NRCAM: variants seen among roughly 807,000 people sequenced by gnomAD.
NRCAM encodes neuronal cell adhesion molecule, also known as NgCAM-related cell adhesion molecule.
Under a neutral mutation model 156.5 loss-of-function variants are expected in NRCAM, and 83 were observed. The observed-to-expected ratio is 0.53, with a 90% CI of 0.44 to 0.64. The LOEUF (loss-of-function observed/expected upper bound fraction) is 0.64. NRCAM is among the 30% of genes least tolerant of loss of function. NRCAM has a pLI of 0.00. For synonymous variants in NRCAM, 538 were observed against 563.9 expected, an observed-to-expected ratio of 0.95 and a Z score of 0.65; for missense variants, 1,417 against 1,597.3, an observed-to-expected ratio of 0.89 and a Z score of 1.92.
intron 2 of NRCAM, among the ~76,000 whole-genome samples, chr7:108,373,107 T>C (rs1436126978): frequency 1.3e-5 from 2 of 152,260 alleles, no homozygotes; most frequent in East Asian, 3.9e-4. Context: ...GGAAGATAAA[T>C]ACTGCATGGT....
At chr7:108,434,953 T>C (rs947597974) in intron 1 of NRCAM, among the ~76,000 whole-genome samples, 1 of 151,180 alleles carries the variant, frequency 6.6e-6, no homozygotes, top group Non-Finnish European at 1.5e-5. Flanking sequence ...CCACTACATA[T>C]CTAAAATGTC....
chr7:108,191,336 T>C lies in NRCAM; in HGVS notation c.1904-53A>G, dbSNP rs534168861. On this transcript the variant is annotated intron_variant, in intron 18 of 32. Coordinates refer to ENST00000379028, the MANE Select transcript of NRCAM (RefSeq NM_001037132.4). The stretch of plus-strand genomic sequence containing the variant: ...TTAATCAAAATTAGTAATGGAAAGA[T>C]ACAAGATAGCACAAGATGACAAAGA... 6.4e-4 allele frequency: 846 copies of C among 1,329,908 alleles called. 2 individuals are homozygous for C. The highest frequency in any genetic ancestry group is 1.3e-3 in the Middle Eastern group (7 of 5,286). The allele number at this position is 1,329,908 out of a possible 1,614,324, so 82.4% of individuals were successfully genotyped here. A position where few individuals can be genotyped will look rare whatever the true frequency, so the allele number is the denominator to read the frequency against.
chr7:108,172,819 A>G (rs1011817156), intron 28 of NRCAM, among the ~76,000 whole-genome samples: 3 of 152,290 alleles, frequency 2.0e-5, no homozygotes, highest in Non-Finnish European at 2.9e-5. Flanking sequence ...ATCCTTTTGT[A>G]ATTATACATT....
At chr7:108,248,305 C>T (rs1180247728) in intron 3 of NRCAM, among the ~76,000 whole-genome samples, 1 of 152,084 alleles carries the variant, frequency 6.6e-6, no homozygotes, top group African/African-American at 2.4e-5. Context: ...AGGCTAGTCA[C>T]TTTGAAAAAT....
chr7:108,297,925 G>A (rs2154139171), intron 3 of NRCAM, among the ~76,000 whole-genome samples: 1 of 152,236 alleles, frequency 6.6e-6, no homozygotes, highest in South Asian at 2.1e-4. Flanking sequence ...ATATGTGCAG[G>A]AAGAGTGTTC....
At chr7:108,259,223 A>G (rs1236380928) in intron 3 of NRCAM, among the ~76,000 whole-genome samples, 1 of 152,226 alleles carries the variant, frequency 6.6e-6, no homozygotes, top group Non-Finnish European at 1.5e-5. Flanking sequence ...ATGAGTGTTG[A>G]TTCTTTTACT....
chr7:108,389,809 AT>A (rs1307307840), intron 2 of NRCAM, among the ~76,000 whole-genome samples: 1 of 152,120 alleles, frequency 6.6e-6, no homozygotes, highest in African/African-American at 2.4e-5. Flanking sequence ...ATCTATTGAG[AT>A]AGTCATGTGG....
chr7:108,294,047 G>A (rs1447580755), intron 3 of NRCAM, among the ~76,000 whole-genome samples: 1 of 152,070 alleles, frequency 6.6e-6, no homozygotes, highest in East Asian at 1.9e-4. Flanking sequence ...AGGTACTGGT[G>A]AGCAATAAGA....
At chr7:108,177,843 G>T (rs2061526621) in intron 26 of NRCAM, 147 bp downstream of exon 26, 1 of 551,800 alleles carries the variant, frequency 1.8e-6, no homozygotes. Context: ...TATTTGAGAA[G>T]ATGAATATGC....
chr7:108,438,662 C>T (rs978224277), intron 1 of NRCAM, among the ~76,000 whole-genome samples: 2 of 152,060 alleles, frequency 1.3e-5, no homozygotes, highest in Admixed American at 6.6e-5. Context: ...CAATAAGGAA[C>T]ATAAAAATCA....
At position 108,149,482 on chromosome 7, in the gene NRCAM, T is replaced by C. The variant is rs449077; in HGVS notation, c.*428A>G. ...AGTTCTAGAGAATACTACAGTAACA[T>C]TCTTGACAATGAAAACGGAATTCAT... is the stretch of plus-strand genomic sequence containing the variant. On this transcript the variant is annotated 3_prime_UTR_variant, in exon 33 of 33. Transcript: ENST00000379028. 0.93 allele frequency: 158,977 copies of C among 170,808 alleles called. 74,031 individuals are homozygous for C. The highest frequency in any genetic ancestry group is 1 in the East Asian group (5,898 of 5,902). The allele number at this position is 170,808 out of a possible 1,614,324, so 10.6% of individuals were successfully genotyped here.
At chr7:108,416,594 A>C (rs1801897589) in intron 1 of NRCAM, among the ~76,000 whole-genome samples, 3 of 152,356 alleles carry the variant, frequency 2.0e-5, no homozygotes, top group South Asian at 4.1e-4. Flanking sequence ...ATTAAAAAAA[A>C]AAAGTCTTCC....
chr7:108,434,935 C>T (rs1260013431), intron 1 of NRCAM, among the ~76,000 whole-genome samples: 1 of 151,678 alleles, frequency 6.6e-6, no homozygotes, highest in East Asian at 1.9e-4. Flanking sequence ...AAGCAGAAAC[C>T]ACAGTTACCA....
chr7:108,261,781 C>A (rs575837722), intron 3 of NRCAM, among the ~76,000 whole-genome samples: 1 of 152,208 alleles, frequency 6.6e-6, no homozygotes, highest in South Asian at 2.1e-4. Context: ...TTGCTTCCTG[C>A]CCTAGCCATC....
chr7:108,244,382 T>C (rs2095763128), intron 3 of NRCAM, among the ~76,000 whole-genome samples: 1 of 152,288 alleles, frequency 6.6e-6, no homozygotes, highest in East Asian at 1.9e-4. Context: ...TAGGACATCA[T>C]CTTGACTGTG....
At chr7:108,155,133 CACACACACACAT>C (rs1156409897) in intron 32 of NRCAM, among the ~76,000 whole-genome samples, 2,011 of 142,896 alleles carry the variant, frequency 0.014, 59 homozygotes, top group African/African-American at 0.049. Context: ...CACACACACA[CACACACACACAT>C]ATAGCAGACC....
At chr7:108,217,697 C>A (rs2090039966) in intron 11 of NRCAM, among the ~76,000 whole-genome samples, 1 of 152,194 alleles carries the variant, frequency 6.6e-6, no homozygotes. Context: ...GTTCAAACTT[C>A]CTGGTGGGTT....
intron 22 of NRCAM, among the ~76,000 whole-genome samples, chr7:108,183,139 T>A (rs1023877907): frequency 6.6e-6 from 1 of 152,256 alleles, no homozygotes; most frequent in Non-Finnish European, 1.5e-5. Context: ...TGTAAACTAC[T>A]ATCTTGATGC....
chr7:108,225,084 G>A (rs1343513403), intron 10 of NRCAM, among the ~76,000 whole-genome samples: 1 of 152,106 alleles, frequency 6.6e-6, no homozygotes, highest in East Asian at 1.9e-4. Flanking sequence ...AATAATGAAG[G>A]TAAATGCTCT....
Sources: gnomAD v4.1 joint callset for allele counts (sites outside exome capture counted in the v4.1 genomes callset) on GRCh38, gnomAD v4.1.1 for gene constraint, MANE v1.5 for transcripts, NCBI Gene and HGNC (gene_info 2026-07-23, HGNC 2026-07-21) for gene names.